The following NAA80 variants were observed in gnomAD, a reference collection of about 807,000 sequenced individuals.
The protein encoded by NAA80 is N-alpha-acetyltransferase 80.
Under a neutral mutation model 8.7 loss-of-function variants are expected in NAA80, and 5 were observed. The ratio of observed to expected loss-of-function variants is 0.58; its 90% confidence interval spans 0.30 to 1.21. The LOEUF is 1.21. Ranked by LOEUF, NAA80 falls within the 50% of genes most tolerant of loss-of-function variation. The pLI, the probability that NAA80 is intolerant of heterozygous loss-of-function variation, is 0.07. For missense variants in NAA80, 360 were observed against 368.6 expected (o/e 0.98, Z 0.19); for synonymous variants, 149 against 156.6 (o/e 0.95, Z 0.36).
intron 1 of NAA80, 187 bp downstream of exon 1, chr3:50,299,026 G>A (rs1044189847): frequency 3.9e-6 from 6 of 1,519,264 alleles, no homozygotes; most frequent in Non-Finnish European, 4.4e-6. Context: ...CCTCCTAGTG[G>A]GTCACAGGCT....
At chr3:50,299,109 C>A (rs1702007410) in intron 1 of NAA80, 104 bp downstream of exon 1, 2 of 1,607,998 alleles carry the variant, frequency 1.2e-6, no homozygotes, top group Non-Finnish European at 1.7e-6. Context: ...GGTCTGGAAA[C>A]GAACGACTGA....
Position 50,297,485 on chromosome 3 carries a change from A to G in NAA80, c.-22T>C. The G allele has an allele frequency of 6.4e-7, 1 of 1,566,726 alleles. No homozygotes were observed. Among genetic ancestry groups the G allele is most frequent in the East Asian group, 2.3e-5 (1 of 44,036 alleles). ...CCATCCGGTGTGTAGGGTCTAGTGTAGGGGTCAGCTTGGCTGGGCCAGGGC... is the reference window on the plus strand; with the variant it reads ...CCATCCGGTGTGTAGGGTCTAGTGTGGGGGTCAGCTTGGCTGGGCCAGGGC... On this transcript the variant is annotated 5_prime_UTR_variant, in exon 2 of 2. Coordinates refer to ENST00000443094, the MANE Select transcript of NAA80 (RefSeq NM_001200016.2). This position sits in a 1 kb window ranked among gnomAD's most constrained non-coding sequence, Gnocchi z 4.3.
chr3:50,297,466 G>A lies in NAA80; in HGVS notation c.-3C>T, dbSNP rs200040326. ...CTGGTACTCAGGATCAGCTCCATCC[G>A]GTGTGTAGGGTCTAGTGTAGGGGTC... On this transcript the variant is annotated 5_prime_UTR_variant, in exon 2 of 2. Transcript: ENST00000443094. The surrounding 1 kb of genome is among the most constrained non-coding windows in gnomAD (Gnocchi z 4.3). The A allele has an allele frequency of 1.7e-5, 27 of 1,595,316 alleles. No individual in the cohort carries two copies. The highest frequency in any genetic ancestry group is 1.2e-4 in the Admixed American group (7 of 58,566).
In NAA80 at chr3:50,297,471, G is replaced by T; in HGVS notation, c.-8C>A. The T allele has an allele frequency of 6.3e-7, 1 of 1,592,684 alleles. No individual in the cohort carries two copies. The highest frequency in any genetic ancestry group is 1.3e-5 in the African/African-American group (1 of 74,708). On this transcript the variant is annotated 5_prime_UTR_variant, in exon 2 of 2. Coordinates refer to ENST00000443094, the MANE Select transcript of NAA80 (RefSeq NM_001200016.2). The surrounding 1 kb of genome is among the most constrained non-coding windows in gnomAD (Gnocchi z 4.3). ...ACTCAGGATCAGCTCCATCCGGTGT[G>T]TAGGGTCTAGTGTAGGGGTCAGCTT...
At chr3:50,299,137 G>A (rs1702009154) in intron 1 of NAA80, 76 bp downstream of exon 1, 3 of 1,613,358 alleles carry the variant, frequency 1.9e-6, no homozygotes, top group Non-Finnish European at 2.5e-6. Flanking sequence ...AGGGCGTGCA[G>A]GGTGGCATGG....
At chr3:50,299,114 G>T in intron 1 of NAA80, 99 bp downstream of exon 1, 1 of 1,611,078 alleles carries the variant, frequency 6.2e-7, no homozygotes, top group South Asian at 1.1e-5. Context: ...GGAAACGAAC[G>T]ACTGACGCGG....
Position 50,296,761 on chromosome 3 carries a change from C to T in NAA80, c.703G>A (p.Gly235Ser). 1 of 1,602,414 alleles carries T rather than the reference C, an allele frequency of 6.2e-7. No homozygotes were observed. Among genetic ancestry groups the T allele is most frequent in the African/African-American group, 1.3e-5 (1 of 74,582 alleles). The change falls in exon 2 of 2, where the codon GGT becomes AGT. Residue 235 changes from glycine (G) to serine (S), a missense_variant. By Grantham distance (56) the Gly-to-Ser change is moderately conservative. Coordinates refer to ENST00000443094, the MANE Select transcript of NAA80 (RefSeq NM_001200016.2). ...GGTGGCAATGGAGGTCCCTTGGGAC[C>T]CCTTGGGGCAGCTTGGGCAGTCAGG... The part of the protein sequence containing the change: ...PNLTAQAAPR[G>S]PKGPPLPPPP...
In NAA80 at chr3:50,297,598, G is replaced by C. The variant is rs1164391410; in HGVS notation, c.-135C>G. 65 of 1,486,254 alleles carry C rather than the reference G, an allele frequency of 4.4e-5. No individual in the cohort carries two copies. Among genetic ancestry groups the C allele is most frequent in the Non-Finnish European group, 5.4e-5 (61 of 1,122,014 alleles). 92.1% of individuals were successfully genotyped at this position (1,486,254 alleles called of 1,614,324 possible). A position where few individuals can be genotyped will look rare whatever the true frequency, so the allele number is the denominator to read the frequency against. ...GTCACCTGCTGCTAGGTTGCAGGTG[G>C]CTCAGTGCCAGGCTGGAGGTTAAGA... is the stretch of plus-strand genomic sequence containing the variant. On this transcript the variant is annotated 5_prime_UTR_variant, in exon 2 of 2. Coordinates refer to ENST00000443094, the MANE Select transcript of NAA80 (RefSeq NM_001200016.2). This position sits in a 1 kb window ranked among gnomAD's most constrained non-coding sequence, Gnocchi z 4.3.
intron 1 of NAA80, chr3:50,298,755 T>C: frequency 2.9e-6 from 3 of 1,035,744 alleles, no homozygotes; most frequent in Non-Finnish European, 3.5e-6. Flanking sequence ...AATTAAACAC[T>C]GGTCAGTAAC....
intron 1 of NAA80, chr3:50,298,867 A>G (rs1363009671): frequency 5.4e-6 from 7 of 1,287,278 alleles, no homozygotes; most frequent in Admixed American, 3.4e-5. Flanking sequence ...GTCTAGAGGG[A>G]GGAAGCCCCA....
chr3:50,297,256 C>A lies in NAA80; in HGVS notation c.208G>T (p.Glu70Ter). 6.2e-7 allele frequency: 1 copy of A among 1,610,078 alleles called. No individual in the cohort carries two copies. The highest frequency in any genetic ancestry group is 1.3e-5 in the African/African-American group (1 of 74,944). The change falls in exon 2 of 2, where the codon GAG (glutamate) becomes TAG (stop). Residue 70 changes from glutamate (E) to a stop codon, truncating the protein, a stop_gained. Transcript: ENST00000443094. LOFTEE classifies it high-confidence loss of function. This position sits in a 1 kb window ranked among gnomAD's most constrained non-coding sequence, Gnocchi z 4.3. ...LTLEPVHRRP[E>*]LLDACADLIN... ...AGGTCAGCACAAGCATCCAGGAGCT[C>A]GGGTCGGCGGTGCACAGGCTCCAGG...
At chr3:50,298,111 CA>C (rs1701930428) in intron 1 of NAA80, 1 of 985,114 alleles carries the variant, frequency 1.0e-6, no homozygotes, top group African/African-American at 1.7e-5. Flanking sequence ...AGATGCAAAG[CA>C]GACACTATAC....
At chr3:50,299,031 C>CAGGCTG (rs1378327626) in intron 1 of NAA80, 182 bp downstream of exon 1, 3 of 1,534,182 alleles carry the variant, frequency 2.0e-6, no homozygotes, top group African/African-American at 2.7e-5. Context: ...TAGTGGGTCA[C>CAGGCTG]AGGCTGTGGA....
chr3:50,299,124 G>T lies in NAA80; in HGVS notation c.-210+89C>A, dbSNP rs377215643. On this transcript the variant is annotated intron_variant, in intron 1 of 1. Coordinates refer to ENST00000443094, the MANE Select transcript of NAA80 (RefSeq NM_001200016.2). ...GGTCTGGAAACGAACGACTGACGCG[G>T]GGAGGGCGTGCAGGGTGGCATGGCC... 1.5e-4 allele frequency: 235 copies of T among 1,612,678 alleles called. No homozygotes were observed. In the East Asian group the frequency reaches 2.1e-3, roughly 15 times the overall value.
rs782367896 is a variant in NAA80 at position 50,299,226 on chromosome 3, C to A, written c.-223G>T. 1 of 1,614,040 alleles carries A rather than the reference C, an allele frequency of 6.2e-7. No individual in the cohort carries two copies. Among genetic ancestry groups the A allele is most frequent in the Non-Finnish European group, 8.5e-7 (1 of 1,180,022 alleles). On this transcript the variant is annotated 5_prime_UTR_variant, in exon 1 of 2. Transcript: ENST00000443094. Reference sequence around the variant, plus strand: ...TGCGGTACTGACATGTTGATGCTGGCCTCTGGGATGTTCCGCGTCCTAGCT... The same window carrying A: ...TGCGGTACTGACATGTTGATGCTGGACTCTGGGATGTTCCGCGTCCTAGCT...
Position 50,296,458 on chromosome 3 carries a change from T to C in NAA80, c.*145A>G. The C allele has an allele frequency of 1.1e-6, 1 of 945,080 alleles. No individual in the cohort carries two copies. Among genetic ancestry groups the C allele is most frequent in the Non-Finnish European group, 1.6e-6 (1 of 636,978 alleles). 58.5% of individuals were successfully genotyped at this position (945,080 alleles called of 1,614,324 possible). On this transcript the variant is annotated 3_prime_UTR_variant, in exon 2 of 2. Coordinates refer to ENST00000443094, the MANE Select transcript of NAA80 (RefSeq NM_001200016.2). ...ACGGCTCTGAGCCAGAGCCACCTCC[T>C]GGCCCCACTGGTACCCAGGAAACAT...
intron 1 of NAA80, 62 bp downstream of exon 1, chr3:50,299,151 C>G (rs781798370): frequency 5.6e-5 from 90 of 1,613,714 alleles, no homozygotes; most frequent in Non-Finnish European, 7.6e-5. Context: ...GGCATGGCCA[C>G]TTGGGGACCG....
In NAA80 at chr3:50,297,210, C is replaced by A. The variant is rs1195074527; in HGVS notation, c.254G>T (p.Arg85Leu). ...GGAGTGCAGGCGGGAGGTGCGGCTG[C>A]GGGGCCACTGATCATTGATGAGGTC... ...CADLINDQWP[R>L]SRTSRLHSLG... Residue 85 changes from arginine to leucine, a missense_variant, in exon 2 of 2, where the codon CGC (arginine) becomes CTC (leucine). Arg to Leu is a moderately radical substitution (Grantham distance 102). Transcript: ENST00000443094. The surrounding 1 kb of genome is among the most constrained non-coding windows in gnomAD (Gnocchi z 4.3). The A allele has an allele frequency of 3.1e-6, 5 of 1,612,598 alleles. No homozygotes were observed. Among genetic ancestry groups the A allele is most frequent in the Middle Eastern group, 1.7e-4 (1 of 6,048 alleles).
At position 50,297,185 on chromosome 3, in the gene NAA80, G is replaced by A; in HGVS notation, c.279C>T (p.Ser93=). 1 of 1,611,978 alleles carries A rather than the reference G, an allele frequency of 6.2e-7. No homozygotes were observed. Among genetic ancestry groups the A allele is most frequent in the Non-Finnish European group, 8.5e-7 (1 of 1,178,848 alleles). ...WPRSRTSRLH[S]LGQSSDAFPL... ...GGAAGGCATCTGAGGACTGGCCCAG[G>A]GAGTGCAGGCGGGAGGTGCGGCTGC... Residue 93 remains serine (S), a synonymous_variant, in exon 2 of 2, where the codon TCC becomes TCT. Coordinates refer to ENST00000443094, the MANE Select transcript of NAA80 (RefSeq NM_001200016.2). The surrounding 1 kb of genome is among the most constrained non-coding windows in gnomAD (Gnocchi z 4.3).
Sources: gnomAD v4.1 joint callset for allele counts on GRCh38, gnomAD v4.1.1 for gene constraint, Gnocchi (gnomAD v3.1) non-coding constraint, MANE v1.5 for transcripts, NCBI Gene and HGNC (gene_info 2026-07-23, HGNC 2026-07-21) for gene names.